IMPACT: variants seen among roughly 807,000 people sequenced by gnomAD.
IMPACT encodes the protein impact RWD domain protein.
A neutral mutation model predicts 47.5 loss-of-function variants in IMPACT; 35 were observed. That is an observed-to-expected ratio of 0.74 (90% CI 0.56 to 0.98). IMPACT has a LOEUF of 0.98. IMPACT is among the 50% of genes least tolerant of loss of function. The probability of loss-of-function intolerance (pLI) is 0.00; values close to 1 mark genes in which losing one functional copy is unlikely to be tolerated. For missense variants in IMPACT, 373 were observed against 394.8 expected (o/e 0.94, Z 0.47); for synonymous variants, 118 against 125.6 (o/e 0.94, Z 0.40).
chr18:24,450,089 C>T, intron 10 of IMPACT, 136 bp downstream of exon 10: 1 of 868,122 alleles, frequency 1.2e-6, no homozygotes, highest in Non-Finnish European at 1.8e-6. Flanking sequence ...ACCTGGAGAC[C>T]TAGACTCTAA....
At position 24,453,138 on chromosome 18, in the gene IMPACT, T is replaced by C. The variant is rs1383550624; in HGVS notation, c.*2291T>C. Reference sequence around the variant, plus strand: ...TGCCAGAATATAAGAGCAAGTGTTATCTACTTTTTAGATGGGAATTGCAGA... The same window carrying C: ...TGCCAGAATATAAGAGCAAGTGTTACCTACTTTTTAGATGGGAATTGCAGA... On this transcript the variant is annotated 3_prime_UTR_variant, in exon 11 of 11. Coordinates refer to ENST00000284202, the MANE Select transcript of IMPACT (RefSeq NM_018439.4). 1.3e-5 allele frequency: 2 copies of C among 152,356 alleles called. No individual in the cohort carries two copies. The highest frequency in any genetic ancestry group is 2.4e-5 in the African/African-American group (1 of 41,584). 9.4% of individuals were successfully genotyped at this position (152,356 alleles called of 1,614,324 possible).
intron 5 of IMPACT, 83 bp from the exon 6 acceptor site, chr18:24,440,413 G>C (rs1909069889): frequency 1.4e-6 from 2 of 1,439,928 alleles, no homozygotes; most frequent in African/African-American, 2.9e-5. Flanking sequence ...GTGGTATTTA[G>C]AACCCAAGAC....
At chr18:24,442,354 A>T (rs978789277) in intron 6 of IMPACT, among the ~76,000 whole-genome samples, 3 of 151,974 alleles carry the variant, frequency 2.0e-5, no homozygotes, top group African/African-American at 7.3e-5. Context: ...GGGTTTCACC[A>T]TGTTGGCCAG....
intron 4 of IMPACT, among the ~76,000 whole-genome samples, chr18:24,434,049 T>G (rs1311156374): frequency 1.3e-5 from 2 of 151,970 alleles, no homozygotes; most frequent in African/African-American, 4.8e-5. Flanking sequence ...TTTTTAAAAA[T>G]TAAACATGGG....
At chr18:24,443,741 G>A (rs1909176983) in intron 7 of IMPACT, among the ~76,000 whole-genome samples, 1 of 152,100 alleles carries the variant, frequency 6.6e-6, no homozygotes, top group African/African-American at 2.4e-5. Context: ...CTTGATCTTA[G>A]GTGACCATAT....
intron 8 of IMPACT, among the ~76,000 whole-genome samples, chr18:24,447,024 C>T (rs677213): frequency 0.12 from 18,965 of 152,154 alleles, 1,476 homozygotes; most frequent in Non-Finnish European, 0.16. Context: ...CTTTATTTCA[C>T]TCCTCTATGG....
At chr18:24,437,772 C>T (rs45492905) in intron 4 of IMPACT, among the ~76,000 whole-genome samples, 183 bp from the exon 5 acceptor site, 17,608 of 152,082 alleles carry the variant, frequency 0.12, 1,362 homozygotes, top group Admixed American at 0.24. Flanking sequence ...TTTAACGTTG[C>T]TATAACCTGT....
intron 8 of IMPACT, 90 bp downstream of exon 8, chr18:24,445,556 A>AT (rs1266151480): frequency 5.7e-6 from 4 of 695,820 alleles, no homozygotes; most frequent in South Asian, 2.6e-5. Flanking sequence ...ACTATTGTGT[A>AT]TTTTTTCCAT....
At chr18:24,433,695 G>A (rs1434861795) in intron 4 of IMPACT, among the ~76,000 whole-genome samples, 3 of 128,342 alleles carry the variant, frequency 2.3e-5, no homozygotes, top group South Asian at 2.5e-4. Flanking sequence ...TTCTGAGACC[G>A]AGTCTTGCTC....
intron 2 of IMPACT, among the ~76,000 whole-genome samples, chr18:24,428,281 T>A (rs1908664973): frequency 6.6e-6 from 1 of 152,214 alleles, no homozygotes; most frequent in Non-Finnish European, 1.5e-5. Flanking sequence ...AATGTACCCT[T>A]GAGAGACTGT....
chr18:24,449,894 A>C lies in IMPACT; in HGVS notation c.835A>C (p.Lys279Gln), dbSNP rs1204436116. 6.2e-7 allele frequency: 1 copy of C among 1,613,832 alleles called. No homozygotes were observed. Among genetic ancestry groups the C allele is most frequent in the Admixed American group, 1.7e-5 (1 of 60,014 alleles). Reference protein sequence around the residue: ...GGILLGPDRFKHINNCARNIL... With the variant: ...GGILLGPDRFQHINNCARNIL... ...GATTCTGCTAGGACCAGATCGCTTT[A>C]AACATATCAACAACTGTGCCAGAAA... The change falls in exon 10 of 11, where the codon AAA becomes CAA. Residue 279 changes from lysine (K) to glutamine (Q), a missense_variant. Lys to Gln is a moderately conservative substitution (Grantham distance 53). Coordinates refer to ENST00000284202, the MANE Select transcript of IMPACT (RefSeq NM_018439.4).
intron 1 of IMPACT, chr18:24,427,671 C>T (rs1210320196): frequency 2.3e-6 from 1 of 442,882 alleles, no homozygotes; most frequent in African/African-American, 2.1e-5. Context: ...TATATTTTGA[C>T]TCAATAGTGG....
intron 8 of IMPACT, among the ~76,000 whole-genome samples, chr18:24,446,955 T>G (rs1909263999): frequency 6.6e-6 from 1 of 152,244 alleles, no homozygotes; most frequent in African/African-American, 2.4e-5. Context: ...GGTTAGCTTT[T>G]TCAAGATCCC....
chr18:24,429,866 C>T (rs1477699006), intron 3 of IMPACT, among the ~76,000 whole-genome samples: 2 of 151,876 alleles, frequency 1.3e-5, no homozygotes, highest in Non-Finnish European at 2.9e-5. Flanking sequence ...CAAGCTCCGC[C>T]TCCCGGGTTC....
Position 24,449,855 on chromosome 18 carries a change from C to T in IMPACT, c.796C>T (p.Arg266Cys), listed in dbSNP as rs147492242. The T allele has an allele frequency of 1.2e-5, 20 of 1,612,866 alleles. No homozygotes were observed. The highest frequency in any genetic ancestry group is 1.3e-5 in the African/African-American group (1 of 74,970). Residue 266 changes from arginine (R) to cysteine (C), a missense_variant, in exon 10 of 11, where the codon CGC (arginine) becomes TGC (cysteine). Arg to Cys is a radical substitution (Grantham distance 180). Coordinates refer to ENST00000284202, the MANE Select transcript of IMPACT (RefSeq NM_018439.4). Reference protein sequence around the residue: ...NVKNVMVVVSRWYGGILLGPD... With the variant: ...NVKNVMVVVSCWYGGILLGPD... The stretch of plus-strand genomic sequence containing the variant: ...GAAGAATGTCATGGTGGTAGTATCA[C>T]GCTGGTATGGAGGGATTCTGCTAGG...
intron 4 of IMPACT, among the ~76,000 whole-genome samples, chr18:24,433,337 C>CT (rs1255113892): frequency 2.0e-5 from 3 of 149,506 alleles, no homozygotes; most frequent in Non-Finnish European, 4.5e-5. Context: ...GTAGCTGGGA[C>CT]TACAGGCGCC....
Position 24,426,714 on chromosome 18 carries a change from C to T in IMPACT, c.-43C>T. 1.6e-6 allele frequency: 2 copies of T among 1,240,110 alleles called. No individual in the cohort carries two copies. Among genetic ancestry groups the T allele is most frequent in the Non-Finnish European group, 2.0e-6 (2 of 990,582 alleles). The allele number at this position is 1,240,110 out of a possible 1,614,324, so 76.8% of individuals were successfully genotyped here. On this transcript the variant is annotated 5_prime_UTR_variant, in exon 1 of 11. Transcript: ENST00000284202. ...GCCGCAGCGCCCCGCCCCCGCGCTC[C>T]GGACCTGGCAGGCGGCGGCTGCAGG...
chr18:24,445,312 A>G, intron 7 of IMPACT, 81 bp from the exon 8 acceptor site: 1 of 823,772 alleles, frequency 1.2e-6, no homozygotes, highest in Non-Finnish European at 2.0e-6. Context: ...TTAATACAGC[A>G]TGCTTCAAGG....
chr18:24,435,587 A>T (rs1031435165), intron 4 of IMPACT: 1 of 152,230 alleles, frequency 6.6e-6, no homozygotes, highest in Non-Finnish European at 1.5e-5. Flanking sequence ...AGTCAAACAG[A>T]CAAGGAAGAC....
Sources: gnomAD v4.1 joint callset for allele counts (sites outside exome capture counted in the v4.1 genomes callset) on GRCh38, gnomAD v4.1.1 for gene constraint, MANE v1.5 for transcripts, NCBI Gene and HGNC (gene_info 2026-07-23, HGNC 2026-07-21) for gene names.